The following SSR2 variants were observed in gnomAD, a reference collection of about 807,000 sequenced individuals.
SSR2 encodes translocon-associated protein subunit beta.
In SSR2, 16 loss-of-function variants were observed where a neutral mutation model predicts 22.6. The observed-to-expected ratio is 0.71, with a 90% CI of 0.48 to 1.08. SSR2 has a LOEUF of 1.08. Among genes scored for constraint, SSR2 ranks in the 50% least tolerant of loss-of-function variants. The pLI, the probability that SSR2 is intolerant of heterozygous loss-of-function variation, is 0.00. For synonymous variants in SSR2, 83 were observed against 91.2 expected, an observed-to-expected ratio of 0.91 and a Z score of 0.51; for missense variants, 171 against 221.6, an observed-to-expected ratio of 0.77 and a Z score of 1.45.
intron 5 of SSR2, 131 bp downstream of exon 5, chr1:156,011,679 T>C: frequency 2.8e-6 from 2 of 703,450 alleles, no homozygotes; most frequent in Non-Finnish European, 4.9e-6. Flanking sequence ...TGAGTATCTA[T>C]ATCAGACACC....
At chr1:156,012,198 G>C (rs550550621) in intron 4 of SSR2, 2 of 310,740 alleles carry the variant, frequency 6.4e-6, no homozygotes, top group East Asian at 1.4e-4. Context: ...TTCTGTCTGA[G>C]CCTCAGACTC....
chr1:156,009,622 G>A lies in SSR2; in HGVS notation c.470C>T (p.Thr157Ile). 6.2e-7 allele frequency: 1 copy of A among 1,612,516 alleles called. No individual in the cohort carries two copies. The highest frequency in any genetic ancestry group is 2.2e-5 in the East Asian group (1 of 44,824). Reference sequence around the variant, plus strand: ...CAGGGGGATGCCGATGGAGGGAAGGGTCATGACCCCAAAGGCTGCCCAGTC... The same window carrying A: ...CAGGGGGATGCCGATGGAGGGAAGGATCATGACCCCAAAGGCTGCCCAGTC... The part of the protein sequence containing the change: ...FLDWAAFGVM[T>I]LPSIGIPLLL... The change falls in exon 6 of 6, where the codon ACC (threonine) becomes ATC (isoleucine). Residue 157 changes from threonine (T) to isoleucine (I), a missense_variant. Physicochemically the swap from Thr to Ile is moderately conservative, Grantham distance 89 (BLOSUM62 -1). Coordinates refer to ENST00000295702, the MANE Select transcript of SSR2 (RefSeq NM_003145.4).
At chr1:156,012,974 T>TA (rs1682999868) in intron 4 of SSR2, 1 of 142,528 alleles carries the variant, frequency 7.0e-6, no homozygotes, top group Non-Finnish European at 1.5e-5. Context: ...CTAAGACAGT[T>TA]ACTGGCCTCA....
At chr1:156,016,805 T>C (rs1683065359) in intron 3 of SSR2, among the ~76,000 whole-genome samples, 1 of 152,070 alleles carries the variant, frequency 6.6e-6, no homozygotes, top group Non-Finnish European at 1.5e-5. Context: ...ATGATATGAG[T>C]TCTCACAAGA....
chr1:156,017,185 T>C (rs1227350461), intron 3 of SSR2, among the ~76,000 whole-genome samples: 1 of 152,174 alleles, frequency 6.6e-6, no homozygotes, highest in African/African-American at 2.4e-5. Context: ...TAGCTGGGAC[T>C]ATAGGCATGT....
At chr1:156,015,751 G>C (rs1162717213) in intron 3 of SSR2, among the ~76,000 whole-genome samples, 1 of 150,532 alleles carries the variant, frequency 6.6e-6, no homozygotes, top group Non-Finnish European at 1.5e-5. Flanking sequence ...TAAATCTAAA[G>C]TGTATGGTAT....
intron 4 of SSR2, chr1:156,014,244 C>T (rs1159298897): frequency 6.6e-6 from 1 of 152,154 alleles, no homozygotes; most frequent in African/African-American, 2.4e-5. Context: ...ACCTCAGCCT[C>T]CTGAGTACCT....
rs565589789 is a variant in SSR2, at chr1:156,009,728, G to T, written c.442-78C>A. 16 of 927,920 alleles carry T rather than the reference G, an allele frequency of 1.7e-5. No individual in the cohort carries two copies. The African/African-American group carries it at 2.7e-4, about 16-fold the overall frequency. The allele number at this position is 927,920 out of a possible 1,614,324, so 57.5% of individuals were successfully genotyped here. A position where few individuals can be genotyped will look rare whatever the true frequency, so the allele number is the denominator to read the frequency against. The stretch of plus-strand genomic sequence containing the variant: ...AAGCCAGGGAAAATATGAGTCCAAT[G>T]AGAAAGGGAGCAGTCTAGCCCAAAT... On this transcript the variant is annotated intron_variant, in intron 5 of 5. Coordinates refer to ENST00000295702, the MANE Select transcript of SSR2 (RefSeq NM_003145.4).
chr1:156,009,553 G>C lies in SSR2; in HGVS notation c.539C>G (p.Thr180Arg). 1 of 1,612,672 alleles carries C rather than the reference G, an allele frequency of 6.2e-7. No homozygotes were observed. The highest frequency in any genetic ancestry group is 8.5e-7 in the Non-Finnish European group (1 of 1,179,180). ...SSKRKYDTPK[T>R]KKN ...TGGAAGCCCCAATCAGTTCTTCTTC[G>C]TTTTGGGAGTGTCATATTTCCTCTT... is the stretch of plus-strand genomic sequence containing the variant. Residue 180 changes from threonine to arginine, a missense_variant, in exon 6 of 6, where the codon ACG becomes AGG. Thr to Arg is a moderately conservative substitution (Grantham distance 71, BLOSUM62 -1). Coordinates refer to ENST00000295702, the MANE Select transcript of SSR2 (RefSeq NM_003145.4).
At chr1:156,019,308 C>T (rs778096454) in intron 2 of SSR2, 5 of 430,460 alleles carry the variant, frequency 1.2e-5, no homozygotes, top group South Asian at 6.6e-5. Context: ...ACAGTGAATA[C>T]AGAGGAGAAA....
chr1:156,019,951 C>A, intron 2 of SSR2, 62 bp downstream of exon 2: 2 of 1,568,020 alleles, frequency 1.3e-6, no homozygotes, highest in Non-Finnish European at 8.7e-7. Context: ...GCTCCCTATT[C>A]CCATCTGAAA....
At chr1:156,009,930 C>T (rs1349692365) in intron 5 of SSR2, among the ~76,000 whole-genome samples, 2 of 152,190 alleles carry the variant, frequency 1.3e-5, no homozygotes, top group Admixed American at 6.6e-5. Flanking sequence ...CATGCCACCA[C>T]ACCTGGCTAA....
At chr1:156,017,965 G>A (rs1429622212) in intron 3 of SSR2, among the ~76,000 whole-genome samples, 1 of 150,934 alleles carries the variant, frequency 6.6e-6, no homozygotes, top group Non-Finnish European at 1.5e-5. Context: ...GGCCAGGATG[G>A]TCTCAATCTC....
At position 156,020,199 on chromosome 1, in the gene SSR2, A is replaced by G. The variant is rs973703937; in HGVS notation, c.1-32T>C. 5.6e-6 allele frequency: 9 copies of G among 1,611,000 alleles called. No individual in the cohort carries two copies. In the African/African-American group the frequency reaches 6.7e-5, roughly 12 times the overall value. ...AGAAAAAAGCAAAGTGAGTTATCAA[A>G]CCAAGTACGTCAAATTCACCAAAAT... On this transcript the variant is annotated intron_variant, in intron 1 of 5. Coordinates refer to ENST00000295702, the MANE Select transcript of SSR2 (RefSeq NM_003145.4).
Position 156,015,816 on chromosome 1 carries a change from G to C in SSR2, c.255-747C>G, listed in dbSNP as rs543946659. Among the ~76,000 whole-genome samples, 19 of 151,448 alleles carry C rather than the reference G, an allele frequency of 1.3e-4. No homozygotes were observed. In the East Asian group the frequency reaches 3.5e-3, roughly 28 times the overall value. ...TGTTATACTCAGTGTCATGGTTTTT[G>C]AAGTAAACTTCCAAAGCAATATATG... On this transcript the variant is annotated intron_variant, in intron 3 of 5. Transcript: ENST00000295702.
At chr1:156,020,571 C>T (rs1683134385) in intron 1 of SSR2, 1 of 306,738 alleles carries the variant, frequency 3.3e-6, no homozygotes, top group Non-Finnish European at 6.5e-6. Flanking sequence ...TCCCCTCCTC[C>T]TTGGCCACAG....
intron 1 of SSR2, 170 bp downstream of exon 1, chr1:156,020,718 G>T (rs1683138684): frequency 2.8e-6 from 1 of 356,760 alleles, no homozygotes; most frequent in Non-Finnish European, 5.7e-6. Flanking sequence ...GGGGGCGGGG[G>T]TCAATCACCT....
At chr1:156,017,751 T>TTTTG (rs1683080144) in intron 3 of SSR2, among the ~76,000 whole-genome samples, 1 of 120,768 alleles carries the variant, frequency 8.3e-6, no homozygotes, top group Non-Finnish European at 1.8e-5. Flanking sequence ...TTTTTTTTTT[T>TTTTG]TTTTTTTTTT....
intron 5 of SSR2, chr1:156,010,889 G>C (rs1374172823): frequency 6.6e-6 from 1 of 151,936 alleles, no homozygotes; most frequent in Non-Finnish European, 1.5e-5. Context: ...ACCTCCTCCA[G>C]AAAGTCCCCT....
Sources: allele counts gnomAD v4.1 joint callset (sites outside exome capture counted in the v4.1 genomes callset), GRCh38; gene constraint gnomAD v4.1.1; transcripts MANE v1.5; gene names NCBI Gene and HGNC (gene_info 2026-07-23, HGNC 2026-07-21).